Variants in ANKHD1 observed in about 807,000 individuals in gnomAD.
ANKHD1 encodes ankyrin repeat and KH domain containing 1, also known as ankyrin repeat and KH domain-containing protein 1.
ANKHD1 carries 31 observed loss-of-function variants against 230.5 expected under a neutral mutation model. The ratio of observed to expected loss-of-function variants is 0.13; its 90% CI spans 0.10 to 0.18. The LOEUF (loss-of-function observed/expected upper bound fraction) is 0.18. ANKHD1 is among the 10% of genes least tolerant of loss of function. ANKHD1 has a pLI of 1.00. For missense variants in ANKHD1, 2,256 were observed against 3,071.3 expected (o/e 0.73, Z 6.27); for synonymous variants, 1,074 against 1,117.6 (o/e 0.96, Z 0.78).
In ANKHD1 at chr5:140,464,794, T is replaced by A; in HGVS notation, c.1782+18T>A. 6.3e-7 allele frequency: 1 copy of A among 1,582,296 alleles called. No homozygotes were observed. The highest frequency in any genetic ancestry group is 8.6e-7 in the Non-Finnish European group (1 of 1,161,296). ...CTGATTTAGTAAGATATTTTTAATTTCAAATATTTTTGCGTTAATGTTAAT... is the reference window on the plus strand; with the variant it reads ...CTGATTTAGTAAGATATTTTTAATTACAAATATTTTTGCGTTAATGTTAAT... On this transcript the variant is annotated intron_variant, in intron 10 of 33. Transcript: ENST00000360839.
intron 1 of ANKHD1, among the ~76,000 whole-genome samples, chr5:140,419,466 T>G (rs1771694977): frequency 6.8e-6 from 1 of 147,372 alleles, no homozygotes; most frequent in Admixed American, 6.7e-5. Context: ...TTTTTTTTTT[T>G]TTTTTTTGTT....
At chr5:140,520,573 T>G (rs1753289183) in intron 24 of ANKHD1, among the ~76,000 whole-genome samples, 2 of 151,792 alleles carry the variant, frequency 1.3e-5, no homozygotes, top group Admixed American at 6.6e-5. Flanking sequence ...ATGTGGCACA[T>G]ATACACCATG....
At chr5:140,461,435 C>A (rs1204538764) in intron 9 of ANKHD1, among the ~76,000 whole-genome samples, 1 of 152,134 alleles carries the variant, frequency 6.6e-6, no homozygotes, top group Non-Finnish European at 1.5e-5. Context: ...AATTTATTTA[C>A]ATGAAGTGCT....
At chr5:140,513,093 T>C (rs1447727788) in intron 23 of ANKHD1, among the ~76,000 whole-genome samples, 170 bp downstream of exon 23, 1 of 152,220 alleles carries the variant, frequency 6.6e-6, no homozygotes, top group Non-Finnish European at 1.5e-5. Flanking sequence ...TTTGATAAAC[T>C]ATTTTGAGAT....
At chr5:140,490,040 T>A (rs1751700268) in intron 14 of ANKHD1, among the ~76,000 whole-genome samples, 1 of 152,202 alleles carries the variant, frequency 6.6e-6, no homozygotes, top group Non-Finnish European at 1.5e-5. Context: ...AACTTTTTTT[T>A]TATACTTAAA....
chr5:140,424,931 A>G (rs1445566376), intron 1 of ANKHD1, among the ~76,000 whole-genome samples: 1 of 152,232 alleles, frequency 6.6e-6, no homozygotes, highest in African/African-American at 2.4e-5. Context: ...GTCACTTAAC[A>G]TTAAGTAGTT....
At chr5:140,445,248 G>A (rs1441461813) in intron 5 of ANKHD1, among the ~76,000 whole-genome samples, 5 of 151,312 alleles carry the variant, frequency 3.3e-5, no homozygotes, top group African/African-American at 1.2e-4. Context: ...GATTACGCCT[G>A]TAATCCCAGC....
chr5:140,412,795 T>C (rs931900699), intron 1 of ANKHD1, among the ~76,000 whole-genome samples: 1 of 152,232 alleles, frequency 6.6e-6, no homozygotes, highest in Non-Finnish European at 1.5e-5. Context: ...AATTGACTTA[T>C]GATGATTGAC....
Position 140,436,186 on chromosome 5 carries a change from C to T in ANKHD1, c.389C>T (p.Ala130Val). The change falls in exon 2 of 34, where the codon GCA becomes GTA. Residue 130 changes from alanine (A) to valine (V), a missense_variant. Coordinates refer to ENST00000360839, the MANE Select transcript of ANKHD1 (RefSeq NM_017747.3). Reference sequence around the variant, plus strand: ...TCAGAGATATTCTTATCAAGTACTGCAGAAGGAGCAGACTTACGCACTGTG... The same window carrying T: ...TCAGAGATATTCTTATCAAGTACTGTAGAAGGAGCAGACTTACGCACTGTG... ...TTSEIFLSST[A>V]EGADLRTVDP... 1 of 1,610,702 alleles carries T rather than the reference C, an allele frequency of 6.2e-7. No individual in the cohort carries two copies. Among genetic ancestry groups the T allele is most frequent in the Non-Finnish European group, 8.5e-7 (1 of 1,178,448 alleles).
chr5:140,412,437 C>T (rs1409170043), intron 1 of ANKHD1, among the ~76,000 whole-genome samples: 2 of 152,158 alleles, frequency 1.3e-5, no homozygotes, highest in Non-Finnish European at 2.9e-5. Context: ...AGATTACAGG[C>T]ATGAGCTACC....
In ANKHD1 at chr5:140,527,756, C is replaced by G. The variant is rs1044309341; in HGVS notation, c.5088-117C>G. ...AAATAAAAACTTTTAATAATTTCCT[C>G]TTTAGCATTTAAGAAATGTTATTCT... On this transcript the variant is annotated intron_variant, in intron 27 of 33. Coordinates refer to ENST00000360839, the MANE Select transcript of ANKHD1 (RefSeq NM_017747.3). The surrounding 1 kb of genome is among the most constrained non-coding windows in gnomAD (Gnocchi z 4.5). 9 of 1,234,094 alleles carry G rather than the reference C, an allele frequency of 7.3e-6. No homozygotes were observed. The East Asian group carries it at 2.6e-4, about 35-fold the overall frequency. The allele number at this position is 1,234,094 out of a possible 1,614,324, so 76.4% of individuals were successfully genotyped here. A position where few individuals can be genotyped will look rare whatever the true frequency, so the allele number is the denominator to read the frequency against.
intron 2 of ANKHD1, 136 bp downstream of exon 2, chr5:140,436,393 C>A: frequency 8.7e-7 from 1 of 1,147,378 alleles, no homozygotes. Context: ...TTTTTATCTC[C>A]CAAAGAAAAT....
In ANKHD1 at chr5:140,468,274, C is replaced by CA. The variant is rs1163072989; in HGVS notation, c.1782+3507dup. On this transcript the variant is annotated intron_variant, in intron 10 of 33. Transcript: ENST00000360839. The stretch of plus-strand genomic sequence containing the variant: ...GCAAGACTCCGTCTCAAAAAAAAAA[C>CA]AAAAAAAAACAAAAAAACAAAAACG... Among the ~76,000 whole-genome samples the CA allele has an allele frequency of 3.1e-3, 450 of 144,522 alleles. 4 individuals are homozygous for CA. The highest frequency in any genetic ancestry group is 0.01 in the African/African-American group (406 of 38,940). 94.8% of individuals were successfully genotyped at this position (144,522 alleles called of 152,430 possible).
At chr5:140,482,062 A>G (rs1198477453) in intron 10 of ANKHD1, among the ~76,000 whole-genome samples, 2 of 152,032 alleles carry the variant, frequency 1.3e-5, no homozygotes, top group African/African-American at 2.4e-5. Flanking sequence ...TGACTATTCA[A>G]GTATTTAATT....
At chr5:140,409,832 G>A (rs1180515366) in intron 1 of ANKHD1, among the ~76,000 whole-genome samples, 1 of 152,126 alleles carries the variant, frequency 6.6e-6, no homozygotes, top group Non-Finnish European at 1.5e-5. Flanking sequence ...GATTACAGGT[G>A]TGAGCCACCG....
At chr5:140,443,531 A>G (rs1283518508) in intron 5 of ANKHD1, among the ~76,000 whole-genome samples, 2 of 151,994 alleles carry the variant, frequency 1.3e-5, no homozygotes, top group African/African-American at 4.8e-5. Flanking sequence ...TCTACTAAAA[A>G]TGCAAAAAAA....
In ANKHD1 at chr5:140,526,295, A is replaced by G. The variant is rs1420802390; in HGVS notation, c.4792A>G (p.Ser1598Gly). 4 of 1,614,114 alleles carry G rather than the reference A, an allele frequency of 2.5e-6. No homozygotes were observed. In the African/African-American group the frequency reaches 5.3e-5, roughly 22 times the overall value. ...GGNSDSDNLD[S>G]TDCNSESSSG... Reference sequence around the variant, plus strand: ...GAATAGTGATTCAGATAACTTGGACAGCACAGACTGCAACAGTGAGAGTAG... The same window carrying G: ...GAATAGTGATTCAGATAACTTGGACGGCACAGACTGCAACAGTGAGAGTAG... The change falls in exon 26 of 34, where the codon AGC becomes GGC. Residue 1598 changes from serine to glycine, a missense_variant. By Grantham distance (56) the Ser-to-Gly change is moderately conservative (BLOSUM62 0). Coordinates refer to ENST00000360839, the MANE Select transcript of ANKHD1 (RefSeq NM_017747.3).
intron 10 of ANKHD1, 24 bp downstream of exon 10, chr5:140,464,800 A>G: frequency 1.3e-6 from 2 of 1,578,362 alleles, no homozygotes; most frequent in Non-Finnish European, 1.7e-6. Context: ...AATTTCAAAT[A>G]TTTTTGCGTT....
At chr5:140,535,299 C>G in intron 29 of ANKHD1, 63 bp from the exon 30 acceptor site, 1 of 1,500,920 alleles carries the variant, frequency 6.7e-7, no homozygotes, top group Non-Finnish European at 8.9e-7. Context: ...TGGTGGAAGT[C>G]TTCTTGGGCT....
Sources: gnomAD v4.1 joint callset for allele counts (sites outside exome capture counted in the v4.1 genomes callset) on GRCh38, gnomAD v4.1.1 for gene constraint, Gnocchi (gnomAD v3.1) non-coding constraint, MANE v1.5 for transcripts, NCBI Gene and HGNC (gene_info 2026-07-23, HGNC 2026-07-21) for gene names.